EVC2: variants seen among roughly 807,000 people sequenced by gnomAD.
EVC2 encodes EvC ciliary complex subunit 2, also known as limbin.
A neutral mutation model predicts 149.3 loss-of-function variants in EVC2; 148 were observed. That is an observed-to-expected ratio of 0.99 (90% CI 0.87 to 1.14). The LOEUF (loss-of-function observed/expected upper bound fraction) is 1.14, where lower values mean the gene tolerates loss of function less well. Ranked by LOEUF, EVC2 falls within the 50% of genes most tolerant of loss-of-function variation. The probability of loss-of-function intolerance (pLI) is 0.00; values close to 1 mark genes in which losing one functional copy is unlikely to be tolerated. For missense variants in EVC2, 1,854 were observed against 1,627.3 expected (o/e 1.14, Z -2.40); for synonymous variants, 776 against 649.9 (o/e 1.19, Z -2.95).
At chr4:5,566,904 C>A (rs1201106901) in intron 20 of EVC2, among the ~76,000 whole-genome samples, 1 of 152,142 alleles carries the variant, frequency 6.6e-6, no homozygotes, top group Non-Finnish European at 1.5e-5. Context: ...ACCTGCATGT[C>A]CGTGCACGCA....
intron 16 of EVC2, among the ~76,000 whole-genome samples, chr4:5,594,527 G>A (rs1713189517): frequency 6.6e-6 from 1 of 152,114 alleles, no homozygotes; most frequent in Admixed American, 6.5e-5. Flanking sequence ...CTGTTAGAAG[G>A]AAAACTAACA....
rs927525209 is a variant in EVC2 at position 5,686,764 on chromosome 4, T to C, written c.707-1285A>G. Among the ~76,000 whole-genome samples the C allele has an allele frequency of 2.0e-5, 3 of 152,014 alleles. No homozygotes were observed. Among genetic ancestry groups the C allele is most frequent in the Non-Finnish European group, 4.4e-5 (3 of 68,016 alleles). Reference sequence around the variant, plus strand: ...GGACCTGACTGGTCATTTGATTTTATAGTTATCTACTTATGCTTTGGGGAA... The same window carrying C: ...GGACCTGACTGGTCATTTGATTTTACAGTTATCTACTTATGCTTTGGGGAA... On this transcript the variant is annotated intron_variant, in intron 5 of 21. Coordinates refer to ENST00000344408, the MANE Select transcript of EVC2 (RefSeq NM_147127.5). This position sits in a 1 kb window ranked among gnomAD's most constrained non-coding sequence, Gnocchi z 5.4.
the EVC2 span, among the ~76,000 whole-genome samples, chr4:5,536,080 T>C: frequency 8.8e-3 from 1,344 of 152,124 alleles, 12 homozygotes; most frequent in African/African-American, 0.029. Flanking sequence ...ATGGACCCTT[T>C]CACTACAACC....
chr4:5,695,438 G>A (rs1044371409), intron 2 of EVC2, among the ~76,000 whole-genome samples: 5 of 152,122 alleles, frequency 3.3e-5, no homozygotes, highest in African/African-American at 7.2e-5. Context: ...TGAGCATTGT[G>A]TGCAAAGCAC....
At chr4:5,597,032 G>C (rs913959332) in intron 16 of EVC2, among the ~76,000 whole-genome samples, 1 of 152,070 alleles carries the variant, frequency 6.6e-6, no homozygotes, top group African/African-American at 2.4e-5. Flanking sequence ...CTGAAATCTC[G>C]GAATAGACTA....
chr4:5,656,161 T>G (rs1242295932), intron 9 of EVC2, among the ~76,000 whole-genome samples: 2 of 152,216 alleles, frequency 1.3e-5, no homozygotes, highest in Admixed American at 1.3e-4. Flanking sequence ...GAGGATGTCC[T>G]GGCCTTGGAG....
chr4:5,537,334 T>C, the EVC2 span, among the ~76,000 whole-genome samples: 671 of 152,232 alleles, frequency 4.4e-3, 5 homozygotes, highest in African/African-American at 0.015. Context: ...AGTACATGCA[T>C]TGAGAAAATT....
chr4:5,587,670 T>C (rs149379063), intron 16 of EVC2, among the ~76,000 whole-genome samples: 3 of 152,170 alleles, frequency 2.0e-5, no homozygotes, highest in Non-Finnish European at 2.9e-5. Flanking sequence ...GACTCCTGTC[T>C]CAAGAGCTGA....
At chr4:5,537,247 G>GA in the EVC2 span, among the ~76,000 whole-genome samples, 1 of 152,154 alleles carries the variant, frequency 6.6e-6, no homozygotes, top group Non-Finnish European at 1.5e-5. Flanking sequence ...CAGAGTTTTG[G>GA]AGAGAGGAGA....
At chr4:5,582,972 A>C (rs2108786100) in intron 17 of EVC2, among the ~76,000 whole-genome samples, 1 of 152,316 alleles carries the variant, frequency 6.6e-6, no homozygotes, top group East Asian at 1.9e-4. Context: ...AGCTGGGCAG[A>C]TGCATCAGGC....
intron 2 of EVC2, 33 bp downstream of exon 2, chr4:5,697,560 A>G: frequency 6.2e-7 from 1 of 1,612,516 alleles, no homozygotes; most frequent in African/African-American, 1.3e-5. Flanking sequence ...TCATGCTCAA[A>G]ACAGGGGAAC....
chr4:5,635,591 A>G (rs1172392514), intron 10 of EVC2, among the ~76,000 whole-genome samples: 8 of 152,254 alleles, frequency 5.3e-5, no homozygotes, highest in Admixed American at 5.2e-4. Context: ...TTGACTCTAC[A>G]GCATCACAAA....
At chr4:5,584,597 C>G (rs575806400) in intron 17 of EVC2, 26 bp downstream of exon 17, 3 of 1,606,122 alleles carry the variant, frequency 1.9e-6, no homozygotes, top group East Asian at 2.2e-5. Flanking sequence ...CTCTGTCCCC[C>G]TCTCCTTCCC....
rs140951974 is a variant in EVC2 at position 5,618,536 on chromosome 4, G to A, written c.2648C>T (p.Ala883Val). 5,383 of 1,614,114 alleles carry A rather than the reference G, an allele frequency of 3.3e-3. 19 individuals carry two copies. The highest frequency in any genetic ancestry group is 3.3e-3 in the Non-Finnish European group (3,869 of 1,180,032). ...ARVLLQQFQT[A>V]WREAEFVKLD... ...CTTCACGAACTCTGCTTCTCGCCACGCAGTCTGAAATTGCTGCAGCAGAAC... is the reference window on the plus strand; with the variant it reads ...CTTCACGAACTCTGCTTCTCGCCACACAGTCTGAAATTGCTGCAGCAGAAC... The change falls in exon 15 of 22, where the codon GCG becomes GTG. Residue 883 changes from alanine (A) to valine (V), a missense_variant. By Grantham distance (64) the Ala-to-Val change is moderately conservative. Coordinates refer to ENST00000344408, the MANE Select transcript of EVC2 (RefSeq NM_147127.5). The surrounding 1 kb of genome is among the most constrained non-coding windows in gnomAD (Gnocchi z 4.4).
intron 21 of EVC2, among the ~76,000 whole-genome samples, chr4:5,552,260 T>C (rs539988087): frequency 7.2e-5 from 11 of 152,342 alleles, no homozygotes; most frequent in African/African-American, 2.6e-4. Context: ...TCTCTCCAGA[T>C]ATCTAATGCA....
intron 6 of EVC2, among the ~76,000 whole-genome samples, chr4:5,683,338 T>C (rs535592370): frequency 1.3e-5 from 2 of 152,322 alleles, no homozygotes; most frequent in Admixed American, 6.5e-5. Context: ...CCCACAGATA[T>C]GCAGATAAGA....
chr4:5,678,693 G>A (rs1577242155), intron 7 of EVC2, among the ~76,000 whole-genome samples: 1 of 152,294 alleles, frequency 6.6e-6, no homozygotes, highest in Non-Finnish European at 1.5e-5. Context: ...TTACTGTACT[G>A]AATACTGTAG....
At chr4:5,600,233 G>A (rs773492033) in intron 16 of EVC2, among the ~76,000 whole-genome samples, 11 of 152,164 alleles carry the variant, frequency 7.2e-5, no homozygotes, top group Non-Finnish European at 1.5e-4. Flanking sequence ...TGCCTACGGA[G>A]TACCTACTGA....
chr4:5,609,627 C>T (rs760399552), intron 16 of EVC2, among the ~76,000 whole-genome samples: 5 of 152,208 alleles, frequency 3.3e-5, no homozygotes, highest in Non-Finnish European at 5.9e-5. Context: ...TAAAAGGCAC[C>T]TCACAAAAGC....
Sources: allele counts gnomAD v4.1 joint callset (sites outside exome capture counted in the v4.1 genomes callset), GRCh38; gene constraint gnomAD v4.1.1; non-coding constraint Gnocchi (gnomAD v3.1); transcripts MANE v1.5; gene names NCBI Gene and HGNC (gene_info 2026-07-23, HGNC 2026-07-21).